STRN4: variants seen among roughly 807,000 people sequenced by gnomAD.
STRN4 encodes striatin 4, also known as striatin-4.
STRN4 carries 27 observed loss-of-function variants against 77.9 expected under a neutral mutation model. The observed-to-expected ratio is 0.35, with a 90% CI of 0.26 to 0.48. The LOEUF (loss-of-function observed/expected upper bound fraction) is 0.48, where lower values mean the gene tolerates loss of function less well. Among genes scored for constraint, STRN4 ranks in the 20% least tolerant of loss-of-function variants. The probability of loss-of-function intolerance (pLI) is 0.99; values close to 1 mark genes in which losing one functional copy is unlikely to be tolerated. For missense variants in STRN4, 798 were observed against 1,049.7 expected (o/e 0.76, Z 3.31); for synonymous variants, 466 against 443.1 (o/e 1.05, Z -0.65).
chr19:46,725,579 C>T lies in STRN4; in HGVS notation c.1318G>A (p.Gly440Ser), dbSNP rs958994779. The T allele has an allele frequency of 7.4e-6, 12 of 1,614,068 alleles. No individual in the cohort carries two copies. The highest frequency in any genetic ancestry group is 4.4e-5 in the South Asian group (4 of 91,092). The change falls in exon 10 of 18, where the codon GGC becomes AGC. Residue 440 changes from glycine to serine, a missense_variant. Physicochemically the swap from Gly to Ser is moderately conservative, Grantham distance 56 (BLOSUM62 0). This residue lies in a region of STRN4 where 287 missense variants were observed against 473.8 expected (regional missense o/e 0.61). Transcript: ENST00000263280. ...TGGTGGAAGGCCAGGGAACGAATGC[C>T]GTCGTAGTGCGAGCGCAGGGTGAAC... ...PKFTLRSHYD[G>S]IRSLAFHHSQ...
Position 46,738,140 on chromosome 19 carries a change from G to A in STRN4, c.460+24C>T, listed in dbSNP as rs771769995. ...CAGCTTCTGCGGGAGGGTGCCGACA[G>A]TGCGAGCATCAGAGGGTGGGTACCT... On this transcript the variant is annotated intron_variant, in intron 3 of 17. Transcript: ENST00000263280. This position sits in a 1 kb window ranked among gnomAD's most constrained non-coding sequence, Gnocchi z 4.5. 12 of 1,611,620 alleles carry A rather than the reference G, an allele frequency of 7.4e-6. No homozygotes were observed. Among genetic ancestry groups the A allele is most frequent in the Admixed American group, 5.0e-5 (3 of 60,008 alleles).
intron 8 of STRN4, 125 bp downstream of exon 8, chr19:46,727,769 G>A: frequency 1.1e-6 from 1 of 911,088 alleles, no homozygotes; most frequent in Admixed American, 2.8e-5. Flanking sequence ...AACTTTTGGG[G>A]CAGGGAGGCT....
rs769841398 is a variant in STRN4 at position 46,727,888 on chromosome 19, T to C, written c.1153+6A>G. On this transcript the variant is annotated splice_donor_region_variant and intron_variant, in intron 8 of 17. Transcript: ENST00000263280. Reference sequence around the variant, plus strand: ...GGACTGGGACCAGGTGGGGGGTGCCTCTTACCTTCATGTGGCCGGGGCTGG... The same window carrying C: ...GGACTGGGACCAGGTGGGGGGTGCCCCTTACCTTCATGTGGCCGGGGCTGG... 8 of 1,595,054 alleles carry C rather than the reference T, an allele frequency of 5.0e-6. No individual in the cohort carries two copies. The Admixed American group carries it at 1.2e-4, about 24-fold the overall frequency.
chr19:46,720,841 C>G lies in STRN4; in HGVS notation c.2093-70G>C, dbSNP rs895830786. ...GCTCAGACGCAGCCCTGGAACCCCT[C>G]ACCTGGCCTTGTCCAAAGGCCTCAG... On this transcript the variant is annotated intron_variant, in intron 16 of 17. Coordinates refer to ENST00000263280, the MANE Select transcript of STRN4 (RefSeq NM_013403.3). 3.0e-5 allele frequency: 44 copies of G among 1,458,840 alleles called. No homozygotes were observed. In the Admixed American group the frequency reaches 3.1e-4, roughly 10 times the overall value. The allele number at this position is 1,458,840 out of a possible 1,614,324, so 90.4% of individuals were successfully genotyped here.
In STRN4 at chr19:46,738,754, A is replaced by G. The variant is rs1349100615; in HGVS notation, c.386+31T>C. 1.2e-6 allele frequency: 2 copies of G among 1,610,892 alleles called. No individual in the cohort carries two copies. Among genetic ancestry groups the G allele is most frequent in the Non-Finnish European group, 1.7e-6 (2 of 1,177,380 alleles). On this transcript the variant is annotated intron_variant, in intron 2 of 17. Coordinates refer to ENST00000263280, the MANE Select transcript of STRN4 (RefSeq NM_013403.3). This position sits in a 1 kb window ranked among gnomAD's most constrained non-coding sequence, Gnocchi z 4.5. ...GACACTGTGCTTGAGACGGACCCAG[A>G]AGGCAGGCCCAGGGCAGGATGAAGG... is the stretch of plus-strand genomic sequence containing the variant.
In STRN4 at chr19:46,741,273, C is replaced by A. The variant is rs10401422; in HGVS notation, c.283-2385G>T. ...CACAGTAGTGGTCTATCTGTGGGGG[C>A]AGGAGGTGGAGTTGGGCATCCCAAC... On this transcript the variant is annotated intron_variant, in intron 1 of 17. Coordinates refer to ENST00000263280, the MANE Select transcript of STRN4 (RefSeq NM_013403.3). This position sits in a 1 kb window ranked among gnomAD's most constrained non-coding sequence, Gnocchi z 4.9. 0.34 allele frequency among the ~76,000 whole-genome samples: 51,279 copies of A among 151,898 alleles called. 8,786 individuals carry two copies. The highest frequency in any genetic ancestry group is 0.41 in the South Asian group (1,970 of 4,804).
chr19:46,746,413 C>A lies in STRN4; in HGVS notation c.18G>T (p.Ala6=). Reference sequence around the variant, plus strand: ...AGGCGGCGGCGGCGACCGCGGCGGCCGCTCGCTCCTCCATCATGGAGGCCC... The same window carrying A: ...AGGCGGCGGCGGCGACCGCGGCGGCAGCTCGCTCCTCCATCATGGAGGCCC... The part of the protein sequence containing the change: MMEER[A]AAAVAAAASS... The change falls in exon 1 of 18, where the codon GCG becomes GCT. Residue 6 remains alanine (A), a synonymous_variant. Coordinates refer to ENST00000263280, the MANE Select transcript of STRN4 (RefSeq NM_013403.3). 1 of 1,042,306 alleles carries A rather than the reference C, an allele frequency of 9.6e-7. No homozygotes were observed. The highest frequency in any genetic ancestry group is 1.7e-5 in the African/African-American group (1 of 57,840). 64.6% of individuals were successfully genotyped at this position (1,042,306 alleles called of 1,614,324 possible).
chr19:46,722,100 T>C (rs777946482), intron 15 of STRN4, 28 bp from the exon 16 acceptor site: 2 of 1,610,972 alleles, frequency 1.2e-6, no homozygotes, highest in East Asian at 4.5e-5. Context: ...GGTGGCAGGT[T>C]CCCCTCCCAC....
At chr19:46,730,347 C>A (rs1268549876) in intron 6 of STRN4, among the ~76,000 whole-genome samples, 1 of 152,098 alleles carries the variant, frequency 6.6e-6, no homozygotes, top group African/African-American at 2.4e-5. Flanking sequence ...GTGGCCAGGG[C>A]CAGGGAAGGG....
chr19:46,722,665 G>A, intron 14 of STRN4, 145 bp downstream of exon 14: 1 of 1,313,462 alleles, frequency 7.6e-7, no homozygotes, highest in African/African-American at 1.5e-5. Context: ...GCCCTCCACT[G>A]GGACCCAACT....
Position 46,720,274 on chromosome 19 carries a change from C to CTG in STRN4, c.*130_*131insCA, listed in dbSNP as rs2053944623. The CTG allele has an allele frequency of 4.2e-6, 1 of 239,974 alleles. No homozygotes were observed. Among genetic ancestry groups the CTG allele is most frequent in the African/African-American group, 2.2e-5 (1 of 44,700 alleles). The allele number at this position is 239,974 out of a possible 1,614,324, so 14.9% of individuals were successfully genotyped here. Reference sequence around the variant, plus strand: ...TTCCTGGGGAAAGGGCCGTTAGCACCACCAGGCTCCATGGCAAACAGACAG... The same window carrying CTG: ...TTCCTGGGGAAAGGGCCGTTAGCACCTGACCAGGCTCCATGGCAAACAGACAG... On this transcript the variant is annotated 3_prime_UTR_variant, in exon 18 of 18. Coordinates refer to ENST00000263280, the MANE Select transcript of STRN4 (RefSeq NM_013403.3).
chr19:46,737,014 T>C, intron 3 of STRN4, 113 bp from the exon 4 acceptor site: 2 of 938,806 alleles, frequency 2.1e-6, no homozygotes, highest in Non-Finnish European at 3.3e-6. Context: ...GCAGGTCCTG[T>C]GGCATCACTT....
Position 46,720,290 on chromosome 19 carries a change from A to C in STRN4, c.*115T>G. On this transcript the variant is annotated 3_prime_UTR_variant, in exon 18 of 18. Coordinates refer to ENST00000263280, the MANE Select transcript of STRN4 (RefSeq NM_013403.3). ...CGTTAGCACCACCAGGCTCCATGGC[A>C]AACAGACAGAGGCCAGGCCTCTGCA... 3.8e-6 allele frequency: 1 copy of C among 266,006 alleles called. No homozygotes were observed. The highest frequency in any genetic ancestry group is 7.1e-6 in the Non-Finnish European group (1 of 141,350). The allele number at this position is 266,006 out of a possible 1,614,324, so 16.5% of individuals were successfully genotyped here.
At chr19:46,725,742 C>T in intron 9 of STRN4, 94 bp from the exon 10 acceptor site, 5 of 1,458,636 alleles carry the variant, frequency 3.4e-6, no homozygotes, top group Non-Finnish European at 3.7e-6. Flanking sequence ...CTGTCTTCCA[C>T]CCACATGACC....
At chr19:46,736,445 A>G (rs2054363712) in intron 4 of STRN4, 1 of 180,720 alleles carries the variant, frequency 5.5e-6, no homozygotes, top group South Asian at 2.0e-4. Flanking sequence ...AATAAAAAAT[A>G]ATTTAATATT....
In STRN4 at chr19:46,724,907, A is replaced by G. The variant is rs770917788; in HGVS notation, c.1494T>C (p.Ala498=). 1.9e-6 allele frequency: 3 copies of G among 1,614,048 alleles called. No individual in the cohort carries two copies. In the East Asian group the frequency reaches 6.7e-5, roughly 36 times the overall value. Residue 498 remains alanine (A), a synonymous_variant, in exon 12 of 18, where the codon GCT becomes GCC. Coordinates refer to ENST00000263280, the MANE Select transcript of STRN4 (RefSeq NM_013403.3). ...AGCAGTATTCACTGTTGCTGCCCAT[A>G]GCCACAGCCAACACTGGGCCCCTGG... ...RAHRGPVLAV[A]MGSNSEYCYS... is the part of the protein sequence containing the mutation.
intron 11 of STRN4, 147 bp downstream of exon 11, chr19:46,725,185 G>A (rs887208696): frequency 2.5e-6 from 3 of 1,197,216 alleles, no homozygotes; most frequent in Non-Finnish European, 2.4e-6. Flanking sequence ...CAAGAACCAG[G>A]GCTGTGTATA....
intron 12 of STRN4, among the ~76,000 whole-genome samples, chr19:46,724,077 GTC>G (rs1293576189): frequency 1.3e-5 from 2 of 151,904 alleles, no homozygotes; most frequent in African/African-American, 4.8e-5. Context: ...GTGCAACCCT[GTC>G]TCTACCAAAA....
At chr19:46,730,394 G>C (rs1485050709) in intron 6 of STRN4, among the ~76,000 whole-genome samples, 3 of 150,190 alleles carry the variant, frequency 2.0e-5, no homozygotes, top group African/African-American at 4.9e-5. Context: ...CCTGGAGGAG[G>C]GGGTGTCTGA....
Sources: allele counts gnomAD v4.1 joint callset (sites outside exome capture counted in the v4.1 genomes callset), GRCh38; gene constraint gnomAD v4.1.1; regional missense constraint gnomAD v4.1.1; non-coding constraint Gnocchi (gnomAD v3.1); transcripts MANE v1.5; gene names NCBI Gene and HGNC (gene_info 2026-07-23, HGNC 2026-07-21).